Variants in ARHGEF4 observed in about 807,000 individuals in gnomAD.
ARHGEF4 encodes Rho guanine nucleotide exchange factor 4, also known as APC-stimulated guanine nucleotide exchange factor 1.
A neutral mutation model predicts 162.0 loss-of-function variants in ARHGEF4; 119 were observed. The observed-to-expected ratio is 0.73, with a 90% CI of 0.63 to 0.86. The LOEUF (loss-of-function observed/expected upper bound fraction) is 0.86. Among genes scored for constraint, ARHGEF4 ranks in the 40% least tolerant of loss-of-function variants. The pLI, the probability that ARHGEF4 is intolerant of heterozygous loss-of-function variation, is 0.00. For synonymous variants in ARHGEF4, 1,014 were observed against 979.9 expected (o/e 1.03, Z -0.65); for missense variants, 2,488 against 2,456.0 (o/e 1.01, Z -0.28).
chr2:130,841,033 A>G (rs1680566782), intron 1 of ARHGEF4, among the ~76,000 whole-genome samples: 1 of 152,166 alleles, frequency 6.6e-6, no homozygotes, highest in Non-Finnish European at 1.5e-5. Context: ...CACTCATGGT[A>G]GACTCCTGCC....
At chr2:130,889,105 CAA>C (rs70994719) in intron 1 of ARHGEF4, among the ~76,000 whole-genome samples, 11 of 124,678 alleles carry the variant, frequency 8.8e-5, no homozygotes, top group Non-Finnish European at 8.8e-5. Context: ...AACTCCATCT[CAA>C]AAAAAAAAAA....
rs1031424454 is a variant in ARHGEF4 at position 131,011,745 on chromosome 2, C to T, written c.3986-16200C>T. ...TGGATGCTGTGGTAAGGAGTTTTGACTGTCACTCTGAAGCAGCTCTCAGGC... is the reference window on the plus strand; with the variant it reads ...TGGATGCTGTGGTAAGGAGTTTTGATTGTCACTCTGAAGCAGCTCTCAGGC... On this transcript the variant is annotated intron_variant, in intron 4 of 13. Transcript: ENST00000409359. 8 of 1,136,138 alleles carry T rather than the reference C, an allele frequency of 7.0e-6. No individual in the cohort carries two copies. The African/African-American group carries it at 1.1e-4, about 15-fold the overall frequency. 70.4% of individuals were successfully genotyped at this position (1,136,138 alleles called of 1,614,324 possible).
At chr2:130,842,732 G>A (rs925996903) in intron 1 of ARHGEF4, among the ~76,000 whole-genome samples, 3 of 152,202 alleles carry the variant, frequency 2.0e-5, no homozygotes, top group East Asian at 1.9e-4. Context: ...GGTGAAATCC[G>A]CAGTCCCAGC....
At chr2:130,985,782 G>A (rs1288838781) in intron 4 of ARHGEF4, among the ~76,000 whole-genome samples, 2 of 151,826 alleles carry the variant, frequency 1.3e-5, no homozygotes, top group African/African-American at 4.9e-5. Context: ...TGCATGATAT[G>A]TGTTTTGTGT....
intron 3 of ARHGEF4, among the ~76,000 whole-genome samples, chr2:130,935,926 G>A (rs544753001): frequency 2.0e-5 from 3 of 152,230 alleles, no homozygotes; most frequent in Non-Finnish European, 2.9e-5. Context: ...TCAGCTGGGC[G>A]TGGTGGTGCA....
intron 4 of ARHGEF4, among the ~76,000 whole-genome samples, chr2:131,014,352 A>C (rs1369190037): frequency 6.6e-6 from 1 of 152,196 alleles, no homozygotes; most frequent in Non-Finnish European, 1.5e-5. Flanking sequence ...ATCATGACAC[A>C]GCCATGTTTT....
At chr2:131,024,970 A>C (rs1689384018) in intron 4 of ARHGEF4, among the ~76,000 whole-genome samples, 1 of 152,196 alleles carries the variant, frequency 6.6e-6, no homozygotes, top group Non-Finnish European at 1.5e-5. Flanking sequence ...GCTGTGTACA[A>C]GGTTAGCAGA....
chr2:130,888,467 A>C (rs75374081), intron 1 of ARHGEF4, among the ~76,000 whole-genome samples: 9 of 146,856 alleles, frequency 6.1e-5, no homozygotes, highest in South Asian at 2.1e-4. Flanking sequence ...ACTCTGTCCC[A>C]AAAAAAAAAA....
intron 4 of ARHGEF4, among the ~76,000 whole-genome samples, chr2:131,026,207 A>C (rs1447134542): frequency 6.6e-6 from 1 of 152,180 alleles, no homozygotes; most frequent in Non-Finnish European, 1.5e-5. Flanking sequence ...TTCCAACCTC[A>C]CTCTATACCA....
chr2:130,948,807 G>T (rs550413071), intron 4 of ARHGEF4, among the ~76,000 whole-genome samples: 8 of 152,172 alleles, frequency 5.3e-5, no homozygotes, highest in Non-Finnish European at 1.2e-4. Context: ...AAAGTAATCA[G>T]ATTCCTTTTT....
At chr2:130,988,003 T>G (rs1686635574) in intron 4 of ARHGEF4, among the ~76,000 whole-genome samples, 2 of 152,090 alleles carry the variant, frequency 1.3e-5, no homozygotes, top group South Asian at 2.1e-4. Flanking sequence ...AGACTTCTCA[T>G]CCGTAAAATC....
chr2:130,978,459 C>G (rs1685898575), intron 4 of ARHGEF4, among the ~76,000 whole-genome samples: 2 of 152,222 alleles, frequency 1.3e-5, no homozygotes, highest in Admixed American at 6.5e-5. Flanking sequence ...ATTACTCACA[C>G]AAAGTGCAAC....
Position 130,917,215 on chromosome 2 carries a change from C to G in ARHGEF4, c.3269C>G (p.Thr1090Arg). Residue 1090 changes from threonine to arginine, a missense_variant, in exon 2 of 14, where the codon ACG becomes AGG. Thr to Arg is a moderately conservative substitution (Grantham distance 71). This residue lies in a region of ARHGEF4 where 1,642 missense variants were observed against 1,481.5 expected (regional missense o/e 1.11). Transcript: ENST00000409359. ...AACCCCGGGACGCCCTGCAGACCCA[C>G]GAGCCCCAAGCCCCTGAGTCCCAGG... ...YENPGTPCRP[T>R]SPKPLSPRPS... The G allele has an allele frequency of 1.9e-6, 3 of 1,550,510 alleles. No individual in the cohort carries two copies. The highest frequency in any genetic ancestry group is 2.6e-6 in the Non-Finnish European group (3 of 1,146,970).
intron 4 of ARHGEF4, among the ~76,000 whole-genome samples, chr2:131,016,136 C>T (rs1272089221): frequency 6.6e-6 from 1 of 152,148 alleles, no homozygotes; most frequent in Non-Finnish European, 1.5e-5. Context: ...GTCCCTGTTG[C>T]CTGGAACACT....
intron 1 of ARHGEF4, among the ~76,000 whole-genome samples, chr2:130,871,506 A>C (rs113742060): frequency 1.3e-5 from 2 of 151,896 alleles, no homozygotes; most frequent in African/African-American, 4.8e-5. Flanking sequence ...ATTGTACTCC[A>C]GCCTGGGCGG....
intron 1 of ARHGEF4, chr2:130,837,576 A>G (rs1246481128): frequency 2.2e-6 from 1 of 448,288 alleles, no homozygotes; most frequent in East Asian, 7.6e-5. Context: ...CCCGCTCACC[A>G]TCCGGGACCC....
At chr2:130,950,110 G>A (rs1319016841) in intron 4 of ARHGEF4, among the ~76,000 whole-genome samples, 1 of 152,240 alleles carries the variant, frequency 6.6e-6, no homozygotes, top group Non-Finnish European at 1.5e-5. Flanking sequence ...CACAGCTGAA[G>A]GAGGATGAGG....
chr2:130,984,688 TAA>T (rs78222237), intron 4 of ARHGEF4, among the ~76,000 whole-genome samples: 2 of 137,490 alleles, frequency 1.5e-5, no homozygotes, highest in African/African-American at 2.7e-5. Context: ...GGCTCTGTCT[TAA>T]AAAAAAAAAA....
At chr2:130,955,869 C>T (rs544185269) in intron 4 of ARHGEF4, among the ~76,000 whole-genome samples, 185 of 152,330 alleles carry the variant, frequency 1.2e-3, no homozygotes, top group Non-Finnish European at 1.7e-3. Flanking sequence ...TTAATTCCTT[C>T]ACTGCAACCT....
Sources: allele counts gnomAD v4.1 joint callset (sites outside exome capture counted in the v4.1 genomes callset), GRCh38; gene constraint gnomAD v4.1.1; regional missense constraint gnomAD v4.1.1; transcripts MANE v1.5; gene names NCBI Gene and HGNC (gene_info 2026-07-23, HGNC 2026-07-21).